Variants in ACBD6 observed in about 807,000 individuals in gnomAD.
ACBD6 encodes acyl-CoA binding domain containing 6, also known as acyl-CoA-binding domain-containing protein 6.
ACBD6 carries 28 observed loss-of-function variants against 37.2 expected under a neutral mutation model. The observed-to-expected ratio is 0.75, with a 90% CI of 0.56 to 1.03. The LOEUF is 1.03. Among genes scored for constraint, ACBD6 ranks in the 50% least tolerant of loss-of-function variants. The pLI is 0.00. For synonymous variants in ACBD6, 113 were observed against 126.8 expected (o/e 0.89, Z 0.73); for missense variants, 340 against 337.4 (o/e 1.01, Z -0.06).
At chr1:180,272,689 T>C (rs1188519514) in exon 13 of ACBD6, 1 of 152,246 alleles carries the variant, frequency 6.6e-6, no homozygotes, top group African/African-American at 2.4e-5. Context: ...ATGTGGAAGG[T>C]CTTCTGCGGA....
chr1:180,356,177 G>A (rs1405758023), intron 6 of ACBD6, among the ~76,000 whole-genome samples: 2 of 149,140 alleles, frequency 1.3e-5, no homozygotes, highest in African/African-American at 2.5e-5. Flanking sequence ...CTGGCCTATT[G>A]TTACAATTTT....
At chr1:180,304,589 C>T (rs1325391790) in intron 7 of ACBD6, among the ~76,000 whole-genome samples, 1 of 150,470 alleles carries the variant, frequency 6.6e-6, no homozygotes. Flanking sequence ...AACCACTGCT[C>T]AAGGAAATAA....
intron 6 of ACBD6, among the ~76,000 whole-genome samples, chr1:180,369,461 T>C (rs1288768983): frequency 6.6e-6 from 1 of 152,168 alleles, no homozygotes; most frequent in Non-Finnish European, 1.5e-5. Context: ...ACTAAGCAGC[T>C]ATAAATTTTA....
chr1:180,355,580 T>C (rs538510147), intron 6 of ACBD6, among the ~76,000 whole-genome samples: 14 of 152,330 alleles, frequency 9.2e-5, no homozygotes, highest in African/African-American at 3.1e-4. Context: ...TTTTATATTA[T>C]CTTTCATCAA....
chr1:180,478,968 G>C (rs753834499), intron 3 of ACBD6, among the ~76,000 whole-genome samples: 24 of 151,902 alleles, frequency 1.6e-4, no homozygotes, highest in Non-Finnish European at 2.9e-4. Flanking sequence ...CTCTACCAAA[G>C]AAAAAGAAAA....
At chr1:180,282,671 C>T (rs1256003623) in intron 8 of ACBD6, among the ~76,000 whole-genome samples, 3 of 152,140 alleles carry the variant, frequency 2.0e-5, no homozygotes, top group African/African-American at 7.2e-5. Flanking sequence ...CGACACCTGT[C>T]AACTGCAGGG....
chr1:180,434,273 C>T (rs1036992103), intron 3 of ACBD6, among the ~76,000 whole-genome samples: 8 of 152,150 alleles, frequency 5.3e-5, no homozygotes, highest in African/African-American at 1.9e-4. Flanking sequence ...CAACCTGACT[C>T]TAGTATAGCA....
intron 6 of ACBD6, among the ~76,000 whole-genome samples, chr1:180,393,894 G>T (rs182750980): frequency 6.6e-6 from 1 of 152,158 alleles, no homozygotes; most frequent in African/African-American, 2.4e-5. Flanking sequence ...AACCTACACG[G>T]AACTTTTACT....
intron 3 of ACBD6, among the ~76,000 whole-genome samples, chr1:180,488,471 T>C (rs538350810): frequency 1.3e-5 from 2 of 152,228 alleles, no homozygotes; most frequent in South Asian, 4.1e-4. Flanking sequence ...TTATACCTTA[T>C]AGATATATTT....
intron 6 of ACBD6, among the ~76,000 whole-genome samples, chr1:180,358,034 C>A (rs1457372630): frequency 6.6e-6 from 1 of 152,138 alleles, no homozygotes; most frequent in Non-Finnish European, 1.5e-5. Context: ...GTATGGTAGC[C>A]ATTAAAAAGA....
intron 6 of ACBD6, among the ~76,000 whole-genome samples, chr1:180,320,092 T>C (rs552332305): frequency 6.6e-5 from 10 of 152,340 alleles, no homozygotes; most frequent in East Asian, 1.9e-4. Flanking sequence ...CGGTTCTCCA[T>C]AGTGGCTGTA....
At chr1:180,322,586 T>C (rs1476877975) in intron 6 of ACBD6, among the ~76,000 whole-genome samples, 1 of 152,068 alleles carries the variant, frequency 6.6e-6, no homozygotes, top group Non-Finnish European at 1.5e-5. Context: ...TCTTGGTAGG[T>C]TGTATGTGTC....
intron 4 of ACBD6, among the ~76,000 whole-genome samples, chr1:180,428,488 A>C (rs1648687536): frequency 6.6e-6 from 1 of 152,216 alleles, no homozygotes; most frequent in South Asian, 2.1e-4. Context: ...TCTAAGAATC[A>C]CTTCACTAGC....
chr1:180,408,384 T>C (rs1032442151), intron 5 of ACBD6, among the ~76,000 whole-genome samples: 9 of 152,050 alleles, frequency 5.9e-5, no homozygotes, highest in Admixed American at 2.0e-4. Flanking sequence ...ATGGATGAAA[T>C]TGGAAATCAT....
intron 3 of ACBD6, among the ~76,000 whole-genome samples, chr1:180,430,662 C>T (rs994935119): frequency 7.2e-6 from 1 of 138,490 alleles, no homozygotes; most frequent in Admixed American, 7.4e-5. Context: ...AGCTACATTA[C>T]AGTAAAAGTT....
chr1:180,333,801 C>T (rs1342255991), intron 6 of ACBD6, among the ~76,000 whole-genome samples: 1 of 152,228 alleles, frequency 6.6e-6, no homozygotes, highest in East Asian at 1.9e-4. Context: ...TCTGGAAAAT[C>T]AGGTCACTCC....
chr1:180,274,145 C>T, intron 10 of ACBD6: 4 of 1,613,430 alleles, frequency 2.5e-6, no homozygotes, highest in Non-Finnish European at 3.4e-6. Flanking sequence ...CCATCAGAGT[C>T]CTGGCAGCTG....
At chr1:180,490,765 G>A (rs1177104507) in intron 3 of ACBD6, among the ~76,000 whole-genome samples, 3 of 144,974 alleles carry the variant, frequency 2.1e-5, no homozygotes, top group South Asian at 4.4e-4. Flanking sequence ...CAGCCTGGGC[G>A]ACAGAGTGAG....
chr1:180,320,191 G>T (rs766904845), intron 6 of ACBD6, among the ~76,000 whole-genome samples: 1 of 152,156 alleles, frequency 6.6e-6, no homozygotes, highest in Non-Finnish European at 1.5e-5. Flanking sequence ...TTGGATATAA[G>T]CCATTTTCAC....
Sources: gnomAD v4.1 joint callset for allele counts (sites outside exome capture counted in the v4.1 genomes callset) on GRCh38, gnomAD v4.1.1 for gene constraint, MANE v1.5 for transcripts, NCBI Gene and HGNC (gene_info 2026-07-23, HGNC 2026-07-21) for gene names.